The following PCDH9 variants were observed in gnomAD, a reference collection of about 807,000 sequenced individuals.
PCDH9 encodes protocadherin 9.
Under a neutral mutation model 70.6 loss-of-function variants are expected in PCDH9, and 24 were observed. That is an observed-to-expected ratio of 0.34 (90% CI 0.25 to 0.48). The LOEUF is 0.48. Ranked by LOEUF, PCDH9 falls within the 20% of genes least tolerant of loss-of-function variation. PCDH9 has a pLI of 0.99. For missense variants in PCDH9, 1,281 were observed against 1,503.6 expected, an observed-to-expected ratio of 0.85 and a Z score of 2.45; for synonymous variants, 562 against 558.5, an observed-to-expected ratio of 1.01 and a Z score of -0.09.
intron 2 of PCDH9, among the ~76,000 whole-genome samples, chr13:67,124,402 GA>G (rs1393672913): frequency 6.6e-6 from 1 of 152,122 alleles, no homozygotes; most frequent in Non-Finnish European, 1.5e-5. Context: ...GCAGGAATAT[GA>G]TATGTGTAAT....
At chr13:67,023,481 A>T (rs2084719854) in intron 2 of PCDH9, among the ~76,000 whole-genome samples, 1 of 152,222 alleles carries the variant, frequency 6.6e-6, no homozygotes, top group Admixed American at 6.6e-5. Flanking sequence ...TTTGAAGTGG[A>T]TCTTTTAATT....
At chr13:67,196,257 C>T (rs923900587) in intron 2 of PCDH9, among the ~76,000 whole-genome samples, 64 of 151,908 alleles carry the variant, frequency 4.2e-4, no homozygotes, top group African/African-American at 1.4e-3. Context: ...GGTATAGTAG[C>T]GCTAATAGGG....
intron 4 of PCDH9, among the ~76,000 whole-genome samples, chr13:66,523,583 CAT>C (rs1960089903): frequency 6.6e-6 from 1 of 151,814 alleles, no homozygotes; most frequent in African/African-American, 2.4e-5. Flanking sequence ...CACACACACA[CAT>C]ATGTACACAG....
chr13:67,183,579 A>G (rs1320637890), intron 2 of PCDH9, among the ~76,000 whole-genome samples: 2 of 152,302 alleles, frequency 1.3e-5, no homozygotes, highest in African/African-American at 2.4e-5. Context: ...TGTATATTAT[A>G]CATTTTATTT....
intron 2 of PCDH9, among the ~76,000 whole-genome samples, chr13:67,050,075 G>A (rs547997405): frequency 1.3e-5 from 2 of 152,266 alleles, no homozygotes; most frequent in African/African-American, 4.8e-5. Context: ...GATACTGTGT[G>A]GGGTGCACAG....
rs7992973 is a variant in PCDH9, at chr13:66,335,609, T to C, written c.3341-30581A>G. ...ATAAATGGAAAATCAGAAACATTAA[T>C]TTGTATAAAAGAACGGAGCTAATAA... is the stretch of plus-strand genomic sequence containing the variant. On this transcript the variant is annotated intron_variant, in intron 4 of 4. Transcript: ENST00000377865. Among the ~76,000 whole-genome samples the C allele has an allele frequency of 9.7e-3, 1,475 of 152,224 alleles. 26 individuals are homozygous for C. Among genetic ancestry groups the C allele is most frequent in the African/African-American group, 0.033 (1,384 of 41,546 alleles).
At chr13:66,409,824 A>G (rs1397090415) in intron 4 of PCDH9, among the ~76,000 whole-genome samples, 1 of 152,180 alleles carries the variant, frequency 6.6e-6, no homozygotes, top group Non-Finnish European at 1.5e-5. Flanking sequence ...AGTACCTAAT[A>G]CGTTAGCTAG....
chr13:66,686,905 C>T (rs766711849), intron 3 of PCDH9, among the ~76,000 whole-genome samples: 2 of 152,136 alleles, frequency 1.3e-5, no homozygotes, highest in African/African-American at 4.8e-5. Flanking sequence ...AACCTCCAAA[C>T]TTTAATCAGA....
At chr13:67,128,277 C>G (rs1414224471) in intron 2 of PCDH9, among the ~76,000 whole-genome samples, 1 of 152,124 alleles carries the variant, frequency 6.6e-6, no homozygotes, top group African/African-American at 2.4e-5. Flanking sequence ...TTTGGATATG[C>G]TGAAATTTTT....
intron 4 of PCDH9, among the ~76,000 whole-genome samples, chr13:66,394,307 C>T (rs1957067420): frequency 6.6e-6 from 1 of 152,024 alleles, no homozygotes; most frequent in South Asian, 2.1e-4. Context: ...TCTAGATTTC[C>T]TTCTATTAAA....
intron 4 of PCDH9, among the ~76,000 whole-genome samples, chr13:66,328,252 T>C (rs1955880189): frequency 6.6e-6 from 1 of 152,196 alleles, no homozygotes; most frequent in African/African-American, 2.4e-5. Context: ...TTTCTTTTTG[T>C]AATTATAGAA....
rs532350846 is a variant in PCDH9, at chr13:66,863,619, A to C, written c.3138+39885T>G. 1.3e-4 allele frequency among the ~76,000 whole-genome samples: 20 copies of C among 152,042 alleles called. No individual in the cohort carries two copies. In the East Asian group the frequency reaches 3.7e-3, roughly 28 times the overall value. ...TCTTGCCTCAGCCTCCCAAGTAGCT[A>C]GGATTACAGGCACCTGCCACCATGC... On this transcript the variant is annotated intron_variant, in intron 3 of 4. Coordinates refer to ENST00000377865, the MANE Select transcript of PCDH9 (RefSeq NM_203487.3).
At chr13:66,431,761 A>G (rs1483651913) in intron 4 of PCDH9, among the ~76,000 whole-genome samples, 2 of 152,048 alleles carry the variant, frequency 1.3e-5, no homozygotes, top group Non-Finnish European at 2.9e-5. Context: ...CACTGACAAT[A>G]TAGAAAGAGG....
intron 2 of PCDH9, among the ~76,000 whole-genome samples, chr13:66,955,905 A>G (rs1396623891): frequency 6.6e-6 from 1 of 152,194 alleles, no homozygotes; most frequent in African/African-American, 2.4e-5. Context: ...CGGCCTGGCC[A>G]ATATGGTGAA....
At chr13:66,575,609 C>G (rs994035494) in intron 4 of PCDH9, among the ~76,000 whole-genome samples, 2 of 152,280 alleles carry the variant, frequency 1.3e-5, no homozygotes, top group East Asian at 1.9e-4. Flanking sequence ...TTACCTCCCT[C>G]TAGGCCTCAG....
intron 3 of PCDH9, among the ~76,000 whole-genome samples, chr13:66,855,690 G>A (rs1053372667): frequency 9.9e-5 from 15 of 152,098 alleles, no homozygotes; most frequent in Admixed American, 9.2e-4. Flanking sequence ...AAAAGGCTCA[G>A]AGAGTTCAGG....
chr13:67,176,650 T>A (rs1242603850), intron 2 of PCDH9, among the ~76,000 whole-genome samples: 2 of 152,060 alleles, frequency 1.3e-5, no homozygotes, highest in African/African-American at 2.4e-5. Context: ...AATGAATATA[T>A]ATTATCTATA....
At chr13:66,754,737 C>T (rs2079514547) in intron 3 of PCDH9, among the ~76,000 whole-genome samples, 1 of 151,988 alleles carries the variant, frequency 6.6e-6, no homozygotes, top group South Asian at 2.1e-4. Flanking sequence ...AAAATTAAAA[C>T]TTTAGTCGTT....
At chr13:66,533,371 T>G (rs1055951206) in intron 4 of PCDH9, among the ~76,000 whole-genome samples, 1 of 147,014 alleles carries the variant, frequency 6.8e-6, no homozygotes, top group Non-Finnish European at 1.5e-5. Context: ...CCTTTCTATA[T>G]CTCATGGTTG....
Sources: gnomAD v4.1 joint callset for allele counts (sites outside exome capture counted in the v4.1 genomes callset) on GRCh38, gnomAD v4.1.1 for gene constraint, MANE v1.5 for transcripts, NCBI Gene and HGNC (gene_info 2026-07-23, HGNC 2026-07-21) for gene names.